VWA3B: variants seen among roughly 807,000 people sequenced by gnomAD.
The protein encoded by VWA3B is von Willebrand factor A domain containing 3B, also known as von Willebrand factor A domain-containing protein 3B.
A neutral mutation model predicts 158.3 loss-of-function variants in VWA3B; 138 were observed. The observed-to-expected ratio is 0.87, with a 90% CI of 0.76 to 1.00. The LOEUF is 1.00. Among genes scored for constraint, VWA3B ranks in the 50% least tolerant of loss-of-function variants. VWA3B has a pLI of 0.00. For synonymous variants in VWA3B, 596 were observed against 587.3 expected (o/e 1.01, Z -0.21); for missense variants, 1,555 against 1,565.1 (o/e 0.99, Z 0.11).
At chr2:98,324,111 G>T in the VWA3B span, among the ~76,000 whole-genome samples, 2 of 151,372 alleles carry the variant, frequency 1.3e-5, no homozygotes, top group African/African-American at 2.4e-5. Context: ...AGCAAGGAAA[G>T]ATCCAAAGAC....
rs950900168 is a variant in VWA3B, at chr2:98,256,190, C to T, written c.2843+16C>T. ...AAAAAGAAAAGTAAGCCATTCCATT[C>T]CCTCCTCACTTTTTTTTTTTGGTGA... On this transcript the variant is annotated intron_variant, in intron 21 of 27. Transcript: ENST00000477737. 3 of 1,551,902 alleles carry T rather than the reference C, an allele frequency of 1.9e-6. No homozygotes were observed. The Admixed American group carries it at 5.5e-5, about 29-fold the overall frequency.
chr2:98,212,917 A>G (rs550867889), intron 13 of VWA3B, among the ~76,000 whole-genome samples: 1 of 152,228 alleles, frequency 6.6e-6, no homozygotes, highest in East Asian at 1.9e-4. Flanking sequence ...AAGATGAGTA[A>G]CAGCTCATCC....
chr2:98,166,495 C>T (rs1454207439), intron 8 of VWA3B, among the ~76,000 whole-genome samples: 1 of 152,136 alleles, frequency 6.6e-6, no homozygotes, highest in Non-Finnish European at 1.5e-5. Context: ...TCGTGTGCAG[C>T]ACAGAGAGAA....
chr2:98,258,138 G>A (rs1687271305), intron 21 of VWA3B, among the ~76,000 whole-genome samples: 1 of 151,748 alleles, frequency 6.6e-6, no homozygotes, highest in Non-Finnish European at 1.5e-5. Flanking sequence ...AATGGTCTTG[G>A]CACCCTTGTC....
rs756586026 is a variant in VWA3B, at chr2:98,192,931, C to T, written c.1500C>T (p.Leu500=). ...GGCTACAGGATGGGAGTCAAAGCCTCTTTGGAAGATTGCATAATGATTGCA... is the reference window on the plus strand; with the variant it reads ...GGCTACAGGATGGGAGTCAAAGCCTTTTTGGAAGATTGCATAATGATTGCA... ...IKWLQDGSQS[L]FGRLHNDCIY... is the part of the protein sequence containing the mutation. Residue 500 remains leucine (L), a synonymous_variant, in exon 11 of 28, where the codon CTC becomes CTT. Coordinates refer to ENST00000477737, the MANE Select transcript of VWA3B (RefSeq NM_144992.5). 1.2e-6 allele frequency: 2 copies of T among 1,614,218 alleles called. No individual in the cohort carries two copies. The highest frequency in any genetic ancestry group is 1.6e-4 in the Middle Eastern group (1 of 6,062).
intron 20 of VWA3B, among the ~76,000 whole-genome samples, chr2:98,255,827 C>T (rs1330242974): frequency 1.3e-5 from 2 of 152,084 alleles, no homozygotes; most frequent in Non-Finnish European, 2.9e-5. Context: ...TGTTTAGAAA[C>T]GACTTAAAAC....
intron 19 of VWA3B, 51 bp from the exon 20 acceptor site, chr2:98,250,267 C>T (rs772765289): frequency 2.4e-5 from 34 of 1,401,820 alleles, no homozygotes; most frequent in Middle Eastern, 1.8e-4. Context: ...TTCGAAGGCA[C>T]GCATTAACCT....
chr2:98,329,568 G>T, the VWA3B span, among the ~76,000 whole-genome samples: 1 of 151,976 alleles, frequency 6.6e-6, no homozygotes, highest in Non-Finnish European at 1.5e-5. Context: ...TACATGAAGA[G>T]TAGATCTCCA....
At chr2:98,189,030 A>T (rs1681360894) in intron 10 of VWA3B, among the ~76,000 whole-genome samples, 2 of 152,114 alleles carry the variant, frequency 1.3e-5, no homozygotes, top group African/African-American at 4.8e-5. Context: ...ACAGATTTTG[A>T]TATATTGTAT....
Position 98,231,816 on chromosome 2 carries a change from C to A in VWA3B, c.2308+1609C>A, listed in dbSNP as rs530776937. Among the ~76,000 whole-genome samples, 3 of 152,302 alleles carry A rather than the reference C, an allele frequency of 2.0e-5. No individual in the cohort carries two copies. In the South Asian group the frequency reaches 6.2e-4, roughly 32 times the overall value. ...ATCAATTGATTTTCAAATGTGGAAG[C>A]AGCCTTGTATATCTTGGAATATTTC... On this transcript the variant is annotated intron_variant, in intron 16 of 27. Coordinates refer to ENST00000477737, the MANE Select transcript of VWA3B (RefSeq NM_144992.5).
At chr2:98,147,606 C>T (rs556539844) in intron 7 of VWA3B, among the ~76,000 whole-genome samples, 1 of 151,918 alleles carries the variant, frequency 6.6e-6, no homozygotes, top group Non-Finnish European at 1.5e-5. Flanking sequence ...AGAGTTTTGT[C>T]GATCATTTCC....
chr2:98,152,447 T>C (rs551236351), intron 7 of VWA3B, among the ~76,000 whole-genome samples: 1 of 152,268 alleles, frequency 6.6e-6, no homozygotes, highest in Non-Finnish European at 1.5e-5. Context: ...CCCAATCTTC[T>C]GAGCAGCTGC....
At chr2:98,284,347 G>T (rs1253162073) in intron 22 of VWA3B, among the ~76,000 whole-genome samples, 2 of 152,088 alleles carry the variant, frequency 1.3e-5, no homozygotes, top group African/African-American at 4.8e-5. Context: ...CTCCAAACAG[G>T]TCCAAATGAT....
Position 98,312,192 on chromosome 2 carries a change from T to C in VWA3B, c.3736-8T>C. 6.2e-7 allele frequency: 1 copy of C among 1,614,190 alleles called. No individual in the cohort carries two copies. The highest frequency in any genetic ancestry group is 8.5e-7 in the Non-Finnish European group (1 of 1,180,038). ...ATCCTTAAGTAATGCTGAACTCTGC[T>C]TCCCCAGACAGCCCACCTCCACTTC... On this transcript the variant is annotated splice_polypyrimidine_tract_variant and splice_region_variant and intron_variant, in intron 27 of 27. Transcript: ENST00000477737.
intron 11 of VWA3B, among the ~76,000 whole-genome samples, chr2:98,193,353 A>T (rs538915064): frequency 6.6e-6 from 1 of 152,100 alleles, no homozygotes; most frequent in Admixed American, 6.5e-5. Context: ...TTAATTTCAA[A>T]TGTTTATTGG....
intron 23 of VWA3B, chr2:98,291,958 T>G (rs1330132618): frequency 7.0e-6 from 1 of 142,302 alleles, no homozygotes. Context: ...AAGATTACAT[T>G]GCAGGGCGGG....
intron 2 of VWA3B, among the ~76,000 whole-genome samples, chr2:98,101,850 AT>A (rs1683095863): frequency 6.7e-6 from 1 of 149,298 alleles, no homozygotes; most frequent in African/African-American, 2.5e-5. Flanking sequence ...GCATGTTTAT[AT>A]TTTTTTATTT....
intron 19 of VWA3B, among the ~76,000 whole-genome samples, chr2:98,240,499 ATTTTAAAT>A (rs1686011558): frequency 6.6e-6 from 1 of 152,328 alleles, no homozygotes; most frequent in South Asian, 2.1e-4. Flanking sequence ...GGGTATGTGC[ATTTTAAAT>A]TTTGATAATT....
intron 24 of VWA3B, among the ~76,000 whole-genome samples, chr2:98,299,436 C>T (rs1470849974): frequency 6.6e-6 from 1 of 152,204 alleles, no homozygotes; most frequent in African/African-American, 2.4e-5. Context: ...TGCAGAGCAC[C>T]CTGCTGCTGT....
Sources: allele counts gnomAD v4.1 joint callset (sites outside exome capture counted in the v4.1 genomes callset), GRCh38; gene constraint gnomAD v4.1.1; transcripts MANE v1.5; gene names NCBI Gene and HGNC (gene_info 2026-07-23, HGNC 2026-07-21).